The following GOLGA7B variants were observed in gnomAD, a reference collection of about 807,000 sequenced individuals.
GOLGA7B encodes the protein golgin subfamily A member 7B.
Under a neutral mutation model 21.5 loss-of-function variants are expected in GOLGA7B, and 17 were observed. The ratio of observed to expected loss-of-function variants is 0.79; its 90% confidence interval spans 0.54 to 1.19. GOLGA7B has a LOEUF of 1.19. Ranked by LOEUF, GOLGA7B falls within the 50% of genes most tolerant of loss-of-function variation. GOLGA7B has a pLI of 0.00. For missense variants in GOLGA7B, 169 were observed against 224.4 expected, an observed-to-expected ratio of 0.75 and a Z score of 1.58; for synonymous variants, 87 against 84.0, an observed-to-expected ratio of 1.04 and a Z score of -0.19.
At chr10:97,862,758 C>T (rs1160258358) in intron 2 of GOLGA7B, among the ~76,000 whole-genome samples, 1 of 151,990 alleles carries the variant, frequency 6.6e-6, no homozygotes, top group African/African-American at 2.4e-5. Context: ...GTAACAAATA[C>T]TAGAAGAATA....
Position 97,871,088 on chromosome 10 carries a change from G to T in GOLGA7B, c.*5388G>T, listed in dbSNP as rs1372942593. Reference sequence around the variant, plus strand: ...CAGAGCCCAGCCTTCGGAGGTTTCCGCATGAGCCTTCTCGGGCGACTTCTA... The same window carrying T: ...CAGAGCCCAGCCTTCGGAGGTTTCCTCATGAGCCTTCTCGGGCGACTTCTA... On this transcript the variant is annotated 3_prime_UTR_variant, in exon 5 of 5. Coordinates refer to ENST00000370602, the MANE Select transcript of GOLGA7B (RefSeq NM_001010917.3). 1 of 152,174 alleles carries T rather than the reference G, an allele frequency of 6.6e-6. No individual in the cohort carries two copies. 9.4% of individuals were successfully genotyped at this position (152,174 alleles called of 1,614,324 possible).
chr10:97,855,784 G>A (rs551049215), intron 1 of GOLGA7B, among the ~76,000 whole-genome samples: 11 of 152,212 alleles, frequency 7.2e-5, no homozygotes, highest in East Asian at 1.9e-4. Context: ...TTATTTCTCC[G>A]AGTTATCATA....
intron 1 of GOLGA7B, among the ~76,000 whole-genome samples, chr10:97,850,642 C>T (rs988787454): frequency 2.6e-5 from 4 of 152,080 alleles, no homozygotes; most frequent in Non-Finnish European, 4.4e-5. Context: ...GTTGGAGACG[C>T]GTGTGTGTGC....
intron 1 of GOLGA7B, among the ~76,000 whole-genome samples, chr10:97,856,834 T>A (rs1225860366): frequency 6.6e-6 from 1 of 152,228 alleles, no homozygotes; most frequent in Non-Finnish European, 1.5e-5. Flanking sequence ...TGCTTATTGA[T>A]GTTGATCATT....
In GOLGA7B at chr10:97,866,272, C is replaced by T. The variant is rs560566628; in HGVS notation, c.*572C>T. 6.5e-6 allele frequency: 1 copy of T among 152,946 alleles called. No homozygotes were observed. Among genetic ancestry groups the T allele is most frequent in the Non-Finnish European group, 1.5e-5 (1 of 68,428 alleles). The allele number at this position is 152,946 out of a possible 1,614,324, so 9.5% of individuals were successfully genotyped here. ...GTGGTTGGGAGCTGTTCAGCGCACT[C>T]CTGACCTCTTCTAGACCTATGGCTT... On this transcript the variant is annotated 3_prime_UTR_variant, in exon 5 of 5. Transcript: ENST00000370602.
chr10:97,860,243 C>A (rs1158109822), intron 2 of GOLGA7B, among the ~76,000 whole-genome samples: 1 of 152,176 alleles, frequency 6.6e-6, no homozygotes, highest in Non-Finnish European at 1.5e-5. Flanking sequence ...AATGGGGCAT[C>A]CATTACTTCG....
intron 1 of GOLGA7B, among the ~76,000 whole-genome samples, chr10:97,853,347 A>G (rs1468608538): frequency 6.6e-6 from 1 of 152,140 alleles, no homozygotes; most frequent in Non-Finnish European, 1.5e-5. Context: ...GAGGATGAAG[A>G]TGGCGCCAGG....
chr10:97,856,237 T>C (rs559410119), intron 1 of GOLGA7B, among the ~76,000 whole-genome samples: 1 of 152,298 alleles, frequency 6.6e-6, no homozygotes, highest in African/African-American at 2.4e-5. Context: ...CCTCCCCTCT[T>C]TTGGAATCCC....
rs2050062847 is a variant in GOLGA7B, at chr10:97,869,179, C to T, written c.*3479C>T. On this transcript the variant is annotated 3_prime_UTR_variant, in exon 5 of 5. Transcript: ENST00000370602. ...CCCAGGGAAGGACTTGGAGCCATGC[C>T]TGGGTTTTGAGGCCGGGCTGGCACC... 1 of 152,292 alleles carries T rather than the reference C, an allele frequency of 6.6e-6. No individual in the cohort carries two copies. The highest frequency in any genetic ancestry group is 6.5e-5 in the Admixed American group (1 of 15,278). 9.4% of individuals were successfully genotyped at this position (152,292 alleles called of 1,614,324 possible).
chr10:97,849,943 C>G lies in GOLGA7B; in HGVS notation c.-361C>G, dbSNP rs1378019651. The G allele has an allele frequency of 6.6e-6, 1 of 152,034 alleles. No individual in the cohort carries two copies. The highest frequency in any genetic ancestry group is 1.5e-5 in the Non-Finnish European group (1 of 68,154). 9.4% of individuals were successfully genotyped at this position (152,034 alleles called of 1,614,324 possible). A position where few individuals can be genotyped will look rare whatever the true frequency, so the allele number is the denominator to read the frequency against. On this transcript the variant is annotated 5_prime_UTR_variant, in exon 1 of 5. Coordinates refer to ENST00000370602, the MANE Select transcript of GOLGA7B (RefSeq NM_001010917.3). ...CCTCCCGGCCAGCGGCGGCTCCTGG[C>G]CCCTCCTCCCCCGGCCGCCCCCATC...
chr10:97,851,073 T>G (rs958868456), intron 1 of GOLGA7B, among the ~76,000 whole-genome samples: 2 of 152,102 alleles, frequency 1.3e-5, no homozygotes, highest in African/African-American at 4.8e-5. Context: ...CCCCCTCATT[T>G]CAGGAGGGAG....
intron 1 of GOLGA7B, among the ~76,000 whole-genome samples, chr10:97,859,022 G>A (rs1040292291): frequency 2.6e-5 from 4 of 152,340 alleles, no homozygotes; most frequent in East Asian, 1.9e-4. Flanking sequence ...GTGCACGTGC[G>A]AGAGAGACTC....
chr10:97,865,765 TGC>T lies in GOLGA7B; in HGVS notation c.*68_*69del. The stretch of plus-strand genomic sequence containing the variant: ...GAGGGCCTTGCAGACCTGCGGCGGC[TGC>T]GCTACCAGAGCACCCGCTTCTGAGT... On this transcript the variant is annotated 3_prime_UTR_variant, in exon 5 of 5. Transcript: ENST00000370602. The T allele has an allele frequency of 1.5e-6, 2 of 1,324,940 alleles. No homozygotes were observed. The highest frequency in any genetic ancestry group is 2.0e-6 in the Non-Finnish European group (2 of 1,012,528). The allele number at this position is 1,324,940 out of a possible 1,614,324, so 82.1% of individuals were successfully genotyped here.
chr10:97,869,719 G>C lies in GOLGA7B; in HGVS notation c.*4019G>C, dbSNP rs2050070630. On this transcript the variant is annotated 3_prime_UTR_variant, in exon 5 of 5. Transcript: ENST00000370602. ...GTGACACGTCCCCCACGGCTCCCCGGTTGGCAGCCACTGCCACCCGCAGGG... is the reference window on the plus strand; with the variant it reads ...GTGACACGTCCCCCACGGCTCCCCGCTTGGCAGCCACTGCCACCCGCAGGG... 1 of 152,390 alleles carries C rather than the reference G, an allele frequency of 6.6e-6. No homozygotes were observed. The highest frequency in any genetic ancestry group is 1.5e-5 in the Non-Finnish European group (1 of 68,150). 9.4% of individuals were successfully genotyped at this position (152,390 alleles called of 1,614,324 possible).
Position 97,865,819 on chromosome 10 carries a change from GGGGT to G in GOLGA7B, c.*123_*126del. The G allele has an allele frequency of 2.4e-6, 3 of 1,264,238 alleles. No homozygotes were observed. Among genetic ancestry groups the G allele is most frequent in the South Asian group, 1.5e-5 (1 of 66,110 alleles). The allele number at this position is 1,264,238 out of a possible 1,614,324, so 78.3% of individuals were successfully genotyped here. A position where few individuals can be genotyped will look rare whatever the true frequency, so the allele number is the denominator to read the frequency against. ...ATTCTTTGGGCTCACCCTGCTGCCC[GGGGT>G]GGGAGGGAGGGTGACGGGCCTCATA... is the stretch of plus-strand genomic sequence containing the variant. On this transcript the variant is annotated 3_prime_UTR_variant, in exon 5 of 5. Transcript: ENST00000370602.
intron 1 of GOLGA7B, among the ~76,000 whole-genome samples, chr10:97,855,966 T>C (rs182004935): frequency 8.5e-5 from 13 of 152,362 alleles, no homozygotes; most frequent in Non-Finnish European, 1.8e-4. Context: ...TCACATATAG[T>C]GTTTTTGGAT....
chr10:97,850,414 T>G lies in GOLGA7B; in HGVS notation c.12+99T>G, dbSNP rs1590157194. 3.3e-5 allele frequency: 29 copies of G among 886,070 alleles called. No homozygotes were observed. In the Admixed American group the frequency reaches 3.4e-4, roughly 10 times the overall value. The allele number at this position is 886,070 out of a possible 1,614,324, so 54.9% of individuals were successfully genotyped here. A position where few individuals can be genotyped will look rare whatever the true frequency, so the allele number is the denominator to read the frequency against. On this transcript the variant is annotated intron_variant, in intron 1 of 4. Transcript: ENST00000370602. ...AGGAGTGGGAGGCGGGAGTTGGGGGTGGGATGGGGTGATTCCCCAGGTCAG... is the reference window on the plus strand; with the variant it reads ...AGGAGTGGGAGGCGGGAGTTGGGGGGGGGATGGGGTGATTCCCCAGGTCAG...
chr10:97,855,563 C>T (rs1369209133), intron 1 of GOLGA7B, among the ~76,000 whole-genome samples: 1 of 152,170 alleles, frequency 6.6e-6, no homozygotes, highest in Non-Finnish European at 1.5e-5. Context: ...CCCCTCACCC[C>T]AGTCTTGTCC....
rs1365656270 is a variant in GOLGA7B at position 97,868,753 on chromosome 10, G to A, written c.*3053G>A. The A allele has an allele frequency of 6.6e-6, 1 of 152,202 alleles. No homozygotes were observed. The highest frequency in any genetic ancestry group is 2.4e-5 in the African/African-American group (1 of 41,458). The allele number at this position is 152,202 out of a possible 1,614,324, so 9.4% of individuals were successfully genotyped here. On this transcript the variant is annotated 3_prime_UTR_variant, in exon 5 of 5. Coordinates refer to ENST00000370602, the MANE Select transcript of GOLGA7B (RefSeq NM_001010917.3). The stretch of plus-strand genomic sequence containing the variant: ...CAAACTCAGCTCTTCTAGAGATGAG[G>A]TCCTGGGGAGGGGGTGAGGATTTAC...
Sources: allele counts gnomAD v4.1 joint callset (sites outside exome capture counted in the v4.1 genomes callset), GRCh38; gene constraint gnomAD v4.1.1; transcripts MANE v1.5; gene names NCBI Gene and HGNC (gene_info 2026-07-23, HGNC 2026-07-21).